Variants in CRYBG1 observed in about 807,000 individuals in gnomAD.
The protein encoded by CRYBG1 is beta/gamma crystallin domain-containing protein 1.
A neutral mutation model predicts 189.2 loss-of-function variants in CRYBG1; 139 were observed. That is an observed-to-expected ratio of 0.73 (90% CI 0.64 to 0.85). The LOEUF (loss-of-function observed/expected upper bound fraction) is 0.85, where lower values mean the gene tolerates loss of function less well. CRYBG1 is among the 40% of genes least tolerant of loss of function. CRYBG1 has a pLI of 0.00. For synonymous variants in CRYBG1, 1,023 were observed against 1,017.1 expected (o/e 1.01, Z -0.11); for missense variants, 2,611 against 2,675.8 (o/e 0.98, Z 0.53).
At chr6:106,464,985 C>T (rs565507034) in intron 2 of CRYBG1, among the ~76,000 whole-genome samples, 66 of 152,158 alleles carry the variant, frequency 4.3e-4, no homozygotes, top group Non-Finnish European at 2.8e-4. Flanking sequence ...AATAGTAATC[C>T]AGTAAGTATC....
chr6:106,367,894 G>A (rs1417685451), intron 1 of CRYBG1, among the ~76,000 whole-genome samples: 3 of 151,974 alleles, frequency 2.0e-5, no homozygotes, highest in Non-Finnish European at 4.4e-5. Flanking sequence ...TTGAGCCCAG[G>A]AGTTATGATC....
chr6:106,553,684 A>G (rs1331117189), intron 16 of CRYBG1, 117 bp downstream of exon 16: 34 of 721,584 alleles, frequency 4.7e-5, no homozygotes, highest in Non-Finnish European at 7.8e-5. Context: ...CCACCATCTT[A>G]GTCCAATGGC....
At chr6:106,436,385 G>A (rs1771458159) in intron 1 of CRYBG1, among the ~76,000 whole-genome samples, 1 of 149,722 alleles carries the variant, frequency 6.7e-6, no homozygotes, top group Admixed American at 6.8e-5. Flanking sequence ...TGCAGGCTCC[G>A]CCTCCCGGGT....
At chr6:106,551,744 A>G in intron 13 of CRYBG1, 108 bp from the exon 14 acceptor site, 1 of 1,296,016 alleles carries the variant, frequency 7.7e-7, no homozygotes, top group Non-Finnish European at 1.1e-6. Flanking sequence ...TTAAAATTTC[A>G]ATTGGCAAAA....
At chr6:106,548,249 G>C (rs1289358662) in intron 13 of CRYBG1, among the ~76,000 whole-genome samples, 1 of 152,150 alleles carries the variant, frequency 6.6e-6, no homozygotes, top group Non-Finnish European at 1.5e-5. Flanking sequence ...TCGGATCATA[G>C]AGCAGAGAAT....
intron 2 of CRYBG1, among the ~76,000 whole-genome samples, chr6:106,461,305 A>G (rs1772004581): frequency 6.6e-6 from 1 of 152,330 alleles, no homozygotes; most frequent in South Asian, 2.1e-4. Flanking sequence ...ATTCTAAACC[A>G]TGGGGCAAAT....
chr6:106,523,672 T>C (rs1284383741), intron 4 of CRYBG1, among the ~76,000 whole-genome samples: 1 of 152,038 alleles, frequency 6.6e-6, no homozygotes, highest in East Asian at 1.9e-4. Context: ...TGTGTATATA[T>C]ACATAAATAG....
intron 1 of CRYBG1, among the ~76,000 whole-genome samples, chr6:106,386,633 C>A (rs560036396): frequency 1.0e-3 from 155 of 152,260 alleles, no homozygotes; most frequent in African/African-American, 3.3e-3. Flanking sequence ...ATTAGATTCT[C>A]ATAAGGAGCA....
chr6:106,404,522 C>T (rs775781120), intron 1 of CRYBG1, among the ~76,000 whole-genome samples: 2 of 152,156 alleles, frequency 1.3e-5, no homozygotes, highest in Non-Finnish European at 2.9e-5. Flanking sequence ...ATCTCAGTCA[C>T]ATAATATCTT....
At chr6:106,404,605 G>A (rs1770787787) in intron 1 of CRYBG1, among the ~76,000 whole-genome samples, 1 of 152,140 alleles carries the variant, frequency 6.6e-6, no homozygotes, top group Non-Finnish European at 1.5e-5. Flanking sequence ...TGCCCAAATA[G>A]GAACAGCTCC....
In CRYBG1 at chr6:106,382,772, C is replaced by T. The variant is rs562942402; in HGVS notation, c.173+21691C>T. ...AAAGCCAAGTGTTTGGAAATAGTTT[C>T]TGTGCTATTGGCATGCAAAAGCTAG... On this transcript the variant is annotated intron_variant, in intron 1 of 21. Coordinates refer to ENST00000633556, the MANE Select transcript of CRYBG1 (RefSeq NM_001371242.2). 1.1e-4 allele frequency among the ~76,000 whole-genome samples: 17 copies of T among 152,196 alleles called. No individual in the cohort carries two copies. In the East Asian group the frequency reaches 3.3e-3, roughly 29 times the overall value.
intron 1 of CRYBG1, among the ~76,000 whole-genome samples, chr6:106,406,154 C>T (rs552411134): frequency 3.7e-4 from 56 of 152,208 alleles, no homozygotes; most frequent in African/African-American, 1.3e-3. Context: ...GAATTGTTAA[C>T]TAGAATAACC....
chr6:106,492,158 G>A (rs1582793522), intron 2 of CRYBG1, among the ~76,000 whole-genome samples: 1 of 151,984 alleles, frequency 6.6e-6, no homozygotes, highest in East Asian at 1.9e-4. Context: ...ACATACTTTA[G>A]CAACTAATTA....
At chr6:106,500,437 A>AC (rs1427942035) in intron 2 of CRYBG1, among the ~76,000 whole-genome samples, 48 of 151,808 alleles carry the variant, frequency 3.2e-4, no homozygotes, top group Admixed American at 2.0e-3. Flanking sequence ...AAAAAACAAA[A>AC]AAAAAAACCT....
chr6:106,542,418 G>A (rs1157383053), intron 10 of CRYBG1, among the ~76,000 whole-genome samples: 1 of 150,602 alleles, frequency 6.6e-6, no homozygotes, highest in East Asian at 1.9e-4. Flanking sequence ...GAATAGCTGG[G>A]ACTATAGGCA....
At chr6:106,457,737 G>GT (rs1391876311) in intron 2 of CRYBG1, among the ~76,000 whole-genome samples, 1 of 152,110 alleles carries the variant, frequency 6.6e-6, no homozygotes, top group Non-Finnish European at 1.5e-5. Flanking sequence ...TCTGGAACCT[G>GT]TTCTATCCAC....
intron 19 of CRYBG1, 94 bp downstream of exon 19, chr6:106,561,020 T>C: frequency 7.4e-7 from 1 of 1,352,354 alleles, no homozygotes. Flanking sequence ...TTATTCAAAG[T>C]TTATAACTGG....
rs940095132 is a variant in CRYBG1 at position 106,360,907 on chromosome 6, C to G, written c.-2C>G. 4 of 1,531,786 alleles carry G rather than the reference C, an allele frequency of 2.6e-6. No homozygotes were observed. The highest frequency in any genetic ancestry group is 2.6e-6 in the Non-Finnish European group (3 of 1,144,824). 94.9% of individuals were successfully genotyped at this position (1,531,786 alleles called of 1,614,324 possible). A position where few individuals can be genotyped will look rare whatever the true frequency, so the allele number is the denominator to read the frequency against. ...CAGTCGGAGCGGGAGGAGGACAAGA[C>G]GATGCCGCTGTCCCCGCCAGCCCAG... On this transcript the variant is annotated 5_prime_UTR_variant, in exon 1 of 22. Transcript: ENST00000633556.
intron 3 of CRYBG1, among the ~76,000 whole-genome samples, chr6:106,515,621 T>C (rs1160973562): frequency 1.3e-5 from 2 of 152,278 alleles, no homozygotes; most frequent in South Asian, 2.1e-4. Flanking sequence ...GTTTCATAAT[T>C]TGATCTTTGA....
Sources: allele counts gnomAD v4.1 joint callset (sites outside exome capture counted in the v4.1 genomes callset), GRCh38; gene constraint gnomAD v4.1.1; transcripts MANE v1.5; gene names NCBI Gene and HGNC (gene_info 2026-07-23, HGNC 2026-07-21).